Variants in DAAM2 observed in about 807,000 individuals in gnomAD.
The protein encoded by DAAM2 is dishevelled associated activator of morphogenesis 2.
A neutral mutation model predicts 120.7 loss-of-function variants in DAAM2; 39 were observed. The ratio of observed to expected loss-of-function variants is 0.32; its 90% confidence interval spans 0.25 to 0.42. The LOEUF (loss-of-function observed/expected upper bound fraction) is 0.42, where lower values mean the gene tolerates loss of function less well. DAAM2 is among the 10% of genes least tolerant of loss of function. The pLI is 1.00. For synonymous variants in DAAM2, 488 were observed against 524.9 expected (o/e 0.93, Z 0.96); for missense variants, 1,283 against 1,401.7 (o/e 0.92, Z 1.35).
At chr6:39,844,383 C>A (rs970740807) in intron 1 of DAAM2, among the ~76,000 whole-genome samples, 5 of 151,990 alleles carry the variant, frequency 3.3e-5, no homozygotes, top group Non-Finnish European at 7.4e-5. Flanking sequence ...CACACACACA[C>A]ACACACACAC....
intron 22 of DAAM2, 174 bp from the exon 23 acceptor site, chr6:39,899,903 C>G (rs1469986689): frequency 3.1e-6 from 2 of 644,718 alleles, no homozygotes; most frequent in African/African-American, 3.7e-5. Context: ...GCAGGGTGGG[C>G]TGGCTGCTAA....
chr6:39,871,334 G>T (rs1203214732), intron 8 of DAAM2, among the ~76,000 whole-genome samples, 172 bp from the exon 9 acceptor site: 1 of 152,192 alleles, frequency 6.6e-6, no homozygotes, highest in Non-Finnish European at 1.5e-5. Context: ...ATCTTATAAA[G>T]GGCAGACAAT....
rs559419642 is a variant in DAAM2, at chr6:39,871,869, G to C, written c.1044+297G>C. Reference sequence around the variant, plus strand: ...AGTTATTGCATGGAGAAACAGGGAAGCCAGTAGCATGGCTCAGTCCAAGGC... The same window carrying C: ...AGTTATTGCATGGAGAAACAGGGAACCCAGTAGCATGGCTCAGTCCAAGGC... On this transcript the variant is annotated intron_variant, in intron 9 of 24. Coordinates refer to ENST00000274867, the MANE Select transcript of DAAM2 (RefSeq NM_001201427.2). Among the ~76,000 whole-genome samples, 194 of 152,344 alleles carry C rather than the reference G, an allele frequency of 1.3e-3. 1 individual carries two copies. Among genetic ancestry groups the C allele is most frequent in the Non-Finnish European group, 1.7e-3 (113 of 68,026 alleles).
At chr6:39,887,416 C>G in intron 15 of DAAM2, 70 bp from the exon 16 acceptor site, 1 of 1,113,226 alleles carries the variant, frequency 9.0e-7, no homozygotes, top group Non-Finnish European at 1.3e-6. Context: ...GGAGGTGGCT[C>G]TTGCGGGGCG....
rs1416830462 is a variant in DAAM2 at position 39,878,330 on chromosome 6, G to A, written c.1360+69G>A. ...TCCCCTGCCCAGCCCATAACTCCAT[G>A]CCCTTCCAGGCAGGGAGTCACATTA... On this transcript the variant is annotated intron_variant, in intron 12 of 24. Coordinates refer to ENST00000274867, the MANE Select transcript of DAAM2 (RefSeq NM_001201427.2). This position sits in a 1 kb window ranked among gnomAD's most constrained non-coding sequence, Gnocchi z 5.0. 6.2e-7 allele frequency: 1 copy of A among 1,610,302 alleles called. No individual in the cohort carries two copies. Among genetic ancestry groups the A allele is most frequent in the African/African-American group, 1.3e-5 (1 of 74,962 alleles).
intron 1 of DAAM2, among the ~76,000 whole-genome samples, chr6:39,805,273 G>A (rs185216084): frequency 1.3e-4 from 20 of 152,258 alleles, no homozygotes; most frequent in Non-Finnish European, 1.5e-5. Flanking sequence ...TGCTAGGAGT[G>A]TAGTCTTGGA....
At chr6:39,844,709 A>T (rs1763492604) in intron 1 of DAAM2, among the ~76,000 whole-genome samples, 1 of 152,106 alleles carries the variant, frequency 6.6e-6, no homozygotes, top group Admixed American at 6.5e-5. Context: ...TCCTTTATAA[A>T]CGAAGAGCGG....
intron 1 of DAAM2, among the ~76,000 whole-genome samples, chr6:39,802,087 A>T (rs545149156): frequency 6.6e-6 from 1 of 152,342 alleles, no homozygotes; most frequent in East Asian, 1.9e-4. Context: ...ACCAGGAAGC[A>T]TTGCACTAGC....
chr6:39,793,805 C>G (rs1024125704), intron 1 of DAAM2, among the ~76,000 whole-genome samples: 6 of 152,300 alleles, frequency 3.9e-5, no homozygotes, highest in African/African-American at 1.4e-4. Flanking sequence ...CTGTCAATAG[C>G]TGGGTTCCAC....
chr6:39,866,649 A>T (rs1279895670), intron 5 of DAAM2, among the ~76,000 whole-genome samples: 1 of 152,262 alleles, frequency 6.6e-6, no homozygotes, highest in East Asian at 1.9e-4. Context: ...ATACAGCTAC[A>T]AATAATAAAA....
At chr6:39,839,553 A>G (rs1365418577) in intron 1 of DAAM2, among the ~76,000 whole-genome samples, 2 of 152,246 alleles carry the variant, frequency 1.3e-5, no homozygotes, top group African/African-American at 4.8e-5. Context: ...CTGAAGCCAA[A>G]AGGAAGAATG....
chr6:39,880,972 C>T (rs775263281), intron 14 of DAAM2, among the ~76,000 whole-genome samples: 5 of 152,156 alleles, frequency 3.3e-5, no homozygotes, highest in African/African-American at 4.8e-5. Flanking sequence ...TGTTCATGGT[C>T]AGAAAATAAC....
At chr6:39,847,264 C>A (rs1035287838) in intron 1 of DAAM2, among the ~76,000 whole-genome samples, 11 of 152,172 alleles carry the variant, frequency 7.2e-5, no homozygotes, top group African/African-American at 2.4e-4. Context: ...CCAGTGGGGG[C>A]TTCTCCCAGT....
intron 1 of DAAM2, among the ~76,000 whole-genome samples, chr6:39,813,203 C>T (rs1477734259): frequency 1.3e-5 from 2 of 152,040 alleles, no homozygotes; most frequent in African/African-American, 4.8e-5. Flanking sequence ...CAGTTCTCCT[C>T]ACCTACAGGC....
At chr6:39,897,947 A>T (rs1249368927) in intron 21 of DAAM2, among the ~76,000 whole-genome samples, 1 of 152,120 alleles carries the variant, frequency 6.6e-6, no homozygotes, top group Non-Finnish European at 1.5e-5. Context: ...TTCCTTGACT[A>T]CCTATCCTGC....
At chr6:39,794,472 C>T (rs1010299676) in intron 1 of DAAM2, among the ~76,000 whole-genome samples, 1 of 152,180 alleles carries the variant, frequency 6.6e-6, no homozygotes, top group African/African-American at 2.4e-5. Context: ...GTGCCCCCAT[C>T]AGGACAAAAA....
intron 8 of DAAM2, among the ~76,000 whole-genome samples, chr6:39,870,742 G>T (rs920410987): frequency 6.6e-6 from 1 of 152,226 alleles, no homozygotes; most frequent in African/African-American, 2.4e-5. Flanking sequence ...CAAACTGGTT[G>T]ATGGTGGGCA....
In DAAM2 at chr6:39,904,554, C is replaced by T. The variant is rs1766697185; in HGVS notation, c.*2517C>T. The T allele has an allele frequency of 6.6e-6, 3 of 453,558 alleles. No homozygotes were observed. The highest frequency in any genetic ancestry group is 4.7e-5 in the South Asian group (3 of 64,464). The allele number at this position is 453,558 out of a possible 1,614,324, so 28.1% of individuals were successfully genotyped here. On this transcript the variant is annotated 3_prime_UTR_variant, in exon 25 of 25. Coordinates refer to ENST00000274867, the MANE Select transcript of DAAM2 (RefSeq NM_001201427.2). Reference sequence around the variant, plus strand: ...ATCAACCTAACAAACACAACCTTCTCAGCAGCATTTCTCCCCTGTGATGGA... The same window carrying T: ...ATCAACCTAACAAACACAACCTTCTTAGCAGCATTTCTCCCCTGTGATGGA...
chr6:39,897,885 G>T (rs1766210996), intron 21 of DAAM2, among the ~76,000 whole-genome samples: 1 of 152,190 alleles, frequency 6.6e-6, no homozygotes, highest in Non-Finnish European at 1.5e-5. Context: ...GAGGTTTATT[G>T]TGTTGACTGT....
Sources: gnomAD v4.1 joint callset for allele counts (sites outside exome capture counted in the v4.1 genomes callset) on GRCh38, gnomAD v4.1.1 for gene constraint, Gnocchi (gnomAD v3.1) non-coding constraint, MANE v1.5 for transcripts, NCBI Gene and HGNC (gene_info 2026-07-23, HGNC 2026-07-21) for gene names.